ZNF654: variants seen among roughly 807,000 people sequenced by gnomAD.
ZNF654 encodes zinc finger protein 654.
Under a neutral mutation model 95.3 loss-of-function variants are expected in ZNF654, and 19 were observed. The ratio of observed to expected loss-of-function variants is 0.20; its 90% CI spans 0.14 to 0.29. The LOEUF is 0.29. Among genes scored for constraint, ZNF654 ranks in the 10% least tolerant of loss-of-function variants. The probability of loss-of-function intolerance (pLI) is 1.00; values close to 1 mark genes in which losing one functional copy is unlikely to be tolerated. For missense variants in ZNF654, 1,046 were observed against 1,341.0 expected, an observed-to-expected ratio of 0.78 and a Z score of 3.44; for synonymous variants, 413 against 457.9, an observed-to-expected ratio of 0.90 and a Z score of 1.25.
At chr3:88,059,621 G>A (rs1706727606) in intron 1 of ZNF654, 116 bp downstream of exon 1, 3 of 1,384,152 alleles carry the variant, frequency 2.2e-6, no homozygotes, top group East Asian at 5.7e-5. Context: ...TCCCCAACAA[G>A]GAGGGTGAGG....
intron 2 of ZNF654, among the ~76,000 whole-genome samples, chr3:88,105,506 C>G (rs1278251405): frequency 6.6e-6 from 1 of 152,106 alleles, no homozygotes; most frequent in Admixed American, 6.5e-5. Context: ...TTGGATACCT[C>G]TTTTTGAATT....
chr3:88,110,919 C>G (rs187165109), intron 2 of ZNF654, among the ~76,000 whole-genome samples: 1 of 151,998 alleles, frequency 6.6e-6, no homozygotes, highest in African/African-American at 2.4e-5. Context: ...TGGTTTTTCT[C>G]TTTTTAATAT....
intron 1 of ZNF654, among the ~76,000 whole-genome samples, chr3:88,085,555 T>C (rs1210552491): frequency 6.6e-6 from 1 of 152,230 alleles, no homozygotes; most frequent in Non-Finnish European, 1.5e-5. Flanking sequence ...AATATATTGT[T>C]TTAATACAGC....
chr3:88,108,830 A>G (rs1029128294), intron 2 of ZNF654, among the ~76,000 whole-genome samples: 1 of 127,810 alleles, frequency 7.8e-6, no homozygotes, highest in African/African-American at 2.6e-5. Context: ...TCAACTTCAG[A>G]AAAAAAAAAA....
chr3:88,065,800 C>G (rs1170256180), intron 1 of ZNF654, among the ~76,000 whole-genome samples: 1 of 152,098 alleles, frequency 6.6e-6, no homozygotes, highest in Non-Finnish European at 1.5e-5. Context: ...CATCTAGGCT[C>G]ACTGCAACCT....
chr3:88,135,569 A>G (rs1434928650), intron 7 of ZNF654: 1 of 155,522 alleles, frequency 6.4e-6, no homozygotes, highest in Non-Finnish European at 1.4e-5. Context: ...ACTTAGTTCC[A>G]GTTTTAGGTC....
chr3:88,088,757 T>TGGATGG (rs1553694194), intron 2 of ZNF654, among the ~76,000 whole-genome samples: 1,644 of 94,384 alleles, frequency 0.017, 27 homozygotes, highest in African/African-American at 0.042. Flanking sequence ...TGTATGTATG[T>TGGATGG]ATGTATGGAT....
In ZNF654 at chr3:88,100,855, A is replaced by C. The variant is rs140510164; in HGVS notation, c.333-12260A>C. Among the ~76,000 whole-genome samples, 406 of 152,336 alleles carry C rather than the reference A, an allele frequency of 2.7e-3. 2 individuals carry two copies. The highest frequency in any genetic ancestry group is 8.5e-3 in the African/African-American group (354 of 41,574). ...GGGATAGCATCAGGAGATATACCTAATGTAAATGACAAGTTAATGTGTGCA... is the reference window on the plus strand; with the variant it reads ...GGGATAGCATCAGGAGATATACCTACTGTAAATGACAAGTTAATGTGTGCA... On this transcript the variant is annotated intron_variant, in intron 2 of 8. Coordinates refer to ENST00000636215, the MANE Select transcript of ZNF654 (RefSeq NM_001350134.2).
chr3:88,139,904 C>T lies in ZNF654; in HGVS notation c.2235C>T (p.Asn745=), dbSNP rs1277784919. The part of the protein sequence containing the change: ...KDIYATDQEG[N]FKCPALGCVR... ...TATATGCCACAGATCAAGAAGGAAACTTTAAGTGTCCTGCTCTTGGTTGTG... is the reference window on the plus strand; with the variant it reads ...TATATGCCACAGATCAAGAAGGAAATTTTAAGTGTCCTGCTCTTGGTTGTG... The change falls in exon 8 of 9, where the codon AAC becomes AAT. Residue 745 remains asparagine, a synonymous_variant. Transcript: ENST00000636215. 1.9e-6 allele frequency: 3 copies of T among 1,613,166 alleles called. No homozygotes were observed. Among genetic ancestry groups the T allele is most frequent in the African/African-American group, 1.3e-5 (1 of 74,890 alleles).
chr3:88,092,417 A>G (rs1258290102), intron 2 of ZNF654, among the ~76,000 whole-genome samples: 1 of 152,152 alleles, frequency 6.6e-6, no homozygotes, highest in African/African-American at 2.4e-5. Flanking sequence ...AGAGAATTAC[A>G]GAATGCAATG....
rs529377191 is a variant in ZNF654 at position 88,099,749 on chromosome 3, GC to G, written c.332+13349del. Reference sequence around the variant, plus strand: ...AAGGATTCCCTATTTAATAAATGGTGCCAGGAAAACTGGCTAGCCATATGTA... The same window carrying G: ...AAGGATTCCCTATTTAATAAATGGTGCAGGAAAACTGGCTAGCCATATGTA... On this transcript the variant is annotated intron_variant, in intron 2 of 8. Coordinates refer to ENST00000636215, the MANE Select transcript of ZNF654 (RefSeq NM_001350134.2). 3.0e-3 allele frequency among the ~76,000 whole-genome samples: 463 copies of G among 152,310 alleles called. 3 individuals are homozygous for G. Among genetic ancestry groups the G allele is most frequent in the African/African-American group, 0.011 (445 of 41,562 alleles).
chr3:88,115,197 C>T (rs1243241960), intron 3 of ZNF654, among the ~76,000 whole-genome samples: 3 of 152,238 alleles, frequency 2.0e-5, no homozygotes, highest in Non-Finnish European at 1.5e-5. Flanking sequence ...CTGATAAGCT[C>T]CAAGGTGATA....
intron 2 of ZNF654, among the ~76,000 whole-genome samples, chr3:88,107,337 A>G (rs1302067139): frequency 1.3e-5 from 2 of 152,190 alleles, no homozygotes; most frequent in Non-Finnish European, 2.9e-5. Context: ...TCGTTAGCCT[A>G]TATATTTACT....
At chr3:88,125,092 G>C (rs911102216) in intron 3 of ZNF654, among the ~76,000 whole-genome samples, 1 of 151,908 alleles carries the variant, frequency 6.6e-6, no homozygotes, top group Non-Finnish European at 1.5e-5. Context: ...ACACGCGCCT[G>C]TAGTCCCAGC....
At chr3:88,121,484 A>G (rs1477609064) in intron 3 of ZNF654, among the ~76,000 whole-genome samples, 1 of 152,146 alleles carries the variant, frequency 6.6e-6, no homozygotes, top group African/African-American at 2.4e-5. Flanking sequence ...TTTCATTGTT[A>G]TAACTGTCCC....
At chr3:88,094,452 G>T (rs893093906) in intron 2 of ZNF654, among the ~76,000 whole-genome samples, 1 of 152,076 alleles carries the variant, frequency 6.6e-6, no homozygotes, top group Non-Finnish European at 1.5e-5. Flanking sequence ...AAAGTGATCA[G>T]GGGAAAAGAA....
intron 6 of ZNF654, among the ~76,000 whole-genome samples, chr3:88,134,756 T>C (rs1288706297): frequency 6.6e-6 from 1 of 152,114 alleles, no homozygotes; most frequent in African/African-American, 2.4e-5. Flanking sequence ...TTTTAAGTAA[T>C]ATCAGTATTG....
At chr3:88,118,683 C>A (rs185626878) in intron 3 of ZNF654, among the ~76,000 whole-genome samples, 17 of 152,232 alleles carry the variant, frequency 1.1e-4, no homozygotes, top group Admixed American at 9.8e-4. Flanking sequence ...AGCTAAAAGG[C>A]TTTAAAAGAA....
In ZNF654 at chr3:88,143,656, C is replaced by G. The variant is rs1707229501; in HGVS notation, c.*2004C>G. The G allele has an allele frequency of 6.6e-6, 1 of 152,232 alleles. No homozygotes were observed. The highest frequency in any genetic ancestry group is 2.1e-4 in the South Asian group (1 of 4,834). The allele number at this position is 152,232 out of a possible 1,614,324, so 9.4% of individuals were successfully genotyped here. A position where few individuals can be genotyped will look rare whatever the true frequency, so the allele number is the denominator to read the frequency against. On this transcript the variant is annotated 3_prime_UTR_variant, in exon 9 of 9. Coordinates refer to ENST00000636215, the MANE Select transcript of ZNF654 (RefSeq NM_001350134.2). ...TTCCATTTTCATTACTTTTACTGTT[C>G]ATGCCAAGATGTTTCAAATATATTC...
Sources: gnomAD v4.1 joint callset for allele counts (sites outside exome capture counted in the v4.1 genomes callset) on GRCh38, gnomAD v4.1.1 for gene constraint, MANE v1.5 for transcripts, NCBI Gene and HGNC (gene_info 2026-07-23, HGNC 2026-07-21) for gene names.